PARD3: variants seen among roughly 807,000 people sequenced by gnomAD.
PARD3 encodes the protein par-3 family cell polarity regulator.
PARD3 carries 75 observed loss-of-function variants against 155.4 expected under a neutral mutation model. The ratio of observed to expected loss-of-function variants is 0.48; its 90% CI spans 0.40 to 0.58. PARD3 has a LOEUF of 0.58. Among genes scored for constraint, PARD3 ranks in the 20% least tolerant of loss-of-function variants. The pLI is 0.00. For synonymous variants in PARD3, 576 were observed against 610.5 expected (o/e 0.94, Z 0.83); for missense variants, 1,642 against 1,721.7 (o/e 0.95, Z 0.82).
chr10:34,501,064 A>G (rs1236229396), intron 3 of PARD3, among the ~76,000 whole-genome samples: 1 of 152,196 alleles, frequency 6.6e-6, no homozygotes, highest in Non-Finnish European at 1.5e-5. Context: ...TAATGGCTAG[A>G]GTTTTATTTG....
intron 2 of PARD3, among the ~76,000 whole-genome samples, chr10:34,643,967 G>A (rs1401376864): frequency 6.6e-6 from 1 of 152,160 alleles, no homozygotes. Context: ...AAGAGTGGAA[G>A]ACTCCATGGA....
At chr10:34,350,307 C>CT (rs930041325) in intron 14 of PARD3, among the ~76,000 whole-genome samples, 2 of 152,106 alleles carry the variant, frequency 1.3e-5, no homozygotes, top group Non-Finnish European at 2.9e-5. Flanking sequence ...TCCCCCAGGC[C>CT]TGCTATCACC....
At chr10:34,588,736 GAACCTGCA>G in intron 2 of PARD3, among the ~76,000 whole-genome samples, 1 of 152,236 alleles carries the variant, frequency 6.6e-6, no homozygotes, top group Middle Eastern at 3.4e-3. Flanking sequence ...CTGAAACACT[GAACCTGCA>G]AATTGTGCAG....
chr10:34,417,082 A>G (rs563772758), intron 5 of PARD3, among the ~76,000 whole-genome samples: 1 of 152,220 alleles, frequency 6.6e-6, no homozygotes, highest in East Asian at 1.9e-4. Flanking sequence ...TTTCATCCCC[A>G]CCCAATCAGT....
chr10:34,483,391 A>AGGTC (rs1287088688), intron 3 of PARD3, among the ~76,000 whole-genome samples: 1 of 150,536 alleles, frequency 6.6e-6, no homozygotes, highest in African/African-American at 2.5e-5. Flanking sequence ...ATGAGGCAGG[A>AGGTC]TAATTGCTTG....
intron 22 of PARD3, among the ~76,000 whole-genome samples, chr10:34,172,050 T>C (rs1254919301): frequency 6.6e-6 from 1 of 151,786 alleles, no homozygotes; most frequent in Non-Finnish European, 1.5e-5. Context: ...CCATTTCTCT[T>C]TTTCCCAATC....
In PARD3 at chr10:34,359,152, T is replaced by C. The variant is rs770895171; in HGVS notation, c.2062A>G (p.Asn688Asp). Residue 688 changes from asparagine (N) to aspartate (D), a missense_variant, in exon 14 of 25, where the codon AAT (asparagine) becomes GAT (aspartate). Transcript: ENST00000374788. ...LIVARRISKC[N>D]ELKSPGSPPG... ...CACTTTTTTGCATTTCTTACCTCAT[T>C]GCACTTGCTTATTCTCCTTGCAACA... is the stretch of plus-strand genomic sequence containing the variant. 6 of 1,611,224 alleles carry C rather than the reference T, an allele frequency of 3.7e-6. No individual in the cohort carries two copies. The Admixed American group carries it at 1.0e-4, about 27-fold the overall frequency.
Position 34,732,805 on chromosome 10 carries a change from A to G in PARD3, c.121-36386T>C, listed in dbSNP as rs1336727859. On this transcript the variant is annotated intron_variant, in intron 1 of 24. Transcript: ENST00000374788. ...CCATAATATTTGCCTTTGCAATACG[A>G]AAGTTGAGCCTTCAAATAAATGGAA... Among the ~76,000 whole-genome samples, 9 of 152,352 alleles carry G rather than the reference A, an allele frequency of 5.9e-5. No individual in the cohort carries two copies. In the South Asian group the frequency reaches 1.4e-3, roughly 25 times the overall value.
intron 20 of PARD3, among the ~76,000 whole-genome samples, chr10:34,313,115 G>A (rs548763453): frequency 4.6e-5 from 7 of 152,140 alleles, no homozygotes; most frequent in Admixed American, 2.0e-4. Context: ...TTCCTCTTTC[G>A]TGACAATTTC....
intron 3 of PARD3, among the ~76,000 whole-genome samples, chr10:34,476,984 G>A (rs1013475206): frequency 6.6e-6 from 1 of 152,114 alleles, no homozygotes; most frequent in East Asian, 1.9e-4. Context: ...CACCTAAAAG[G>A]TTCCCCACCT....
chr10:34,646,682 G>A (rs751493742), intron 2 of PARD3, among the ~76,000 whole-genome samples: 1 of 152,082 alleles, frequency 6.6e-6, no homozygotes, highest in Non-Finnish European at 1.5e-5. Flanking sequence ...TTTCGTGTGC[G>A]TGAGACAAGG....
At chr10:34,517,205 T>C (rs1249752206) in intron 2 of PARD3, 46 bp from the exon 3 acceptor site, 1 of 1,552,792 alleles carries the variant, frequency 6.4e-7, no homozygotes, top group Non-Finnish European at 8.8e-7. Flanking sequence ...AGGCACTTAA[T>C]TAACTACCAA....
intron 1 of PARD3, among the ~76,000 whole-genome samples, chr10:34,729,390 G>A (rs2094776228): frequency 6.6e-6 from 1 of 151,894 alleles, no homozygotes; most frequent in Non-Finnish European, 1.5e-5. Context: ...AATTAGCCAG[G>A]CGTGGTGGTG....
rs576440382 is a variant in PARD3 at position 34,699,232 on chromosome 10, G to A, written c.121-2813C>T. Among the ~76,000 whole-genome samples the A allele has an allele frequency of 2.0e-5, 3 of 152,230 alleles. No homozygotes were observed. The East Asian group carries it at 5.8e-4, about 29-fold the overall frequency. On this transcript the variant is annotated intron_variant, in intron 1 of 24. Coordinates refer to ENST00000374788, the MANE Select transcript of PARD3 (RefSeq NM_001184785.2). ...AATATCAGGCTGCCACTTATTAAAT[G>A]CCACTCCACAAAAATGTGCTGAATG...
At chr10:34,404,015 A>C (rs1844175630) in intron 5 of PARD3, among the ~76,000 whole-genome samples, 1 of 152,178 alleles carries the variant, frequency 6.6e-6, no homozygotes, top group Non-Finnish European at 1.5e-5. Context: ...AAATGCCCCA[A>C]ACTACAGTGA....
intron 1 of PARD3, among the ~76,000 whole-genome samples, chr10:34,783,762 A>G (rs1388542348): frequency 6.6e-6 from 1 of 152,192 alleles, no homozygotes; most frequent in African/African-American, 2.4e-5. Flanking sequence ...CCATTACTCC[A>G]AAGCAAATAC....
intron 14 of PARD3, among the ~76,000 whole-genome samples, chr10:34,350,437 G>A (rs978135113): frequency 6.6e-6 from 1 of 152,184 alleles, no homozygotes; most frequent in Non-Finnish European, 1.5e-5. Flanking sequence ...GAGGTCAGGA[G>A]TTCAAGACCA....
At position 34,187,347 on chromosome 10, in the gene PARD3, T is replaced by C. The variant is rs185224957; in HGVS notation, c.3420-55764A>G. Reference sequence around the variant, plus strand: ...TTAAAATTTCCATCTGTTATAAACATGTCCAAAAGTCCCAGGCCAGAGCCC... The same window carrying C: ...TTAAAATTTCCATCTGTTATAAACACGTCCAAAAGTCCCAGGCCAGAGCCC... On this transcript the variant is annotated intron_variant, in intron 22 of 24. Coordinates refer to ENST00000374788, the MANE Select transcript of PARD3 (RefSeq NM_001184785.2). Among the ~76,000 whole-genome samples, 211 of 151,844 alleles carry C rather than the reference T, an allele frequency of 1.4e-3. 1 individual carries two copies. The highest frequency in any genetic ancestry group is 4.8e-3 in the African/African-American group (197 of 41,466).
intron 4 of PARD3, among the ~76,000 whole-genome samples, chr10:34,451,789 T>A (rs1283700145): frequency 2.0e-5 from 3 of 150,766 alleles, no homozygotes; most frequent in Non-Finnish European, 4.4e-5. Context: ...TTTTTTTTTT[T>A]AATAGAAATG....
Sources: allele counts gnomAD v4.1 joint callset (sites outside exome capture counted in the v4.1 genomes callset), GRCh38; gene constraint gnomAD v4.1.1; transcripts MANE v1.5; gene names NCBI Gene and HGNC (gene_info 2026-07-23, HGNC 2026-07-21).